The following SNU13 variants were observed in gnomAD, a reference collection of about 807,000 sequenced individuals.
The protein encoded by SNU13 is NHP2-like protein 1.
A neutral mutation model predicts 12.4 loss-of-function variants in SNU13; 2 were observed. The ratio of observed to expected loss-of-function variants is 0.16; its 90% CI spans 0.07 to 0.51. The LOEUF (loss-of-function observed/expected upper bound fraction) is 0.51, where lower values mean the gene tolerates loss of function less well. Ranked by LOEUF, SNU13 falls within the 20% of genes least tolerant of loss-of-function variation. The probability of loss-of-function intolerance (pLI) is 0.96; values close to 1 mark genes in which losing one functional copy is unlikely to be tolerated. For missense variants in SNU13, 66 were observed against 157.8 expected, an observed-to-expected ratio of 0.42 and a Z score of 3.12; for synonymous variants, 68 against 66.5, an observed-to-expected ratio of 1.02 and a Z score of -0.11.
chr22:41,686,293 T>C (rs1277375716), intron 1 of SNU13, among the ~76,000 whole-genome samples: 3 of 151,952 alleles, frequency 2.0e-5, no homozygotes, highest in East Asian at 1.9e-4. Context: ...ATTTGGAGTT[T>C]ATTCTTTTAT....
At chr22:41,684,430 C>T (rs1601575306) in intron 1 of SNU13, among the ~76,000 whole-genome samples, 1 of 152,082 alleles carries the variant, frequency 6.6e-6, no homozygotes, top group Non-Finnish European at 1.5e-5. Flanking sequence ...TCTTAGGCTC[C>T]AAGTAATACT....
chr22:41,686,303 T>C (rs1036822016), intron 1 of SNU13, among the ~76,000 whole-genome samples: 2 of 151,482 alleles, frequency 1.3e-5, no homozygotes, highest in Non-Finnish European at 2.9e-5. Flanking sequence ...TATTCTTTTA[T>C]CTTTTTTTTT....
At chr22:41,678,300 C>T (rs887755862) in intron 2 of SNU13, among the ~76,000 whole-genome samples, 1 of 152,152 alleles carries the variant, frequency 6.6e-6, no homozygotes, top group African/African-American at 2.4e-5. Flanking sequence ...TACCACCAGG[C>T]ATAAAACCTA....
intron 2 of SNU13, among the ~76,000 whole-genome samples, chr22:41,679,353 T>TC (rs2068241943): frequency 6.6e-6 from 1 of 152,156 alleles, no homozygotes; most frequent in African/African-American, 2.4e-5. Flanking sequence ...GATCAGGAGT[T>TC]CGAGACCAGA....
At chr22:41,681,660 A>G (rs2147137395) in intron 1 of SNU13, 1 of 152,346 alleles carries the variant, frequency 6.6e-6, no homozygotes, top group South Asian at 2.1e-4. Context: ...TTCTTACTTT[A>G]TAGATATATA....
In SNU13 at chr22:41,688,708, CTCTAAGCCT is replaced by C; in HGVS notation, c.3+77_3+85del. The C allele has an allele frequency of 6.5e-6, 10 of 1,528,822 alleles. No homozygotes were observed. The South Asian group carries it at 1.1e-4, about 16-fold the overall frequency. 94.7% of individuals were successfully genotyped at this position (1,528,822 alleles called of 1,614,324 possible). ...ACGCCGGCGGATGAGACGGCGCAGG[CTCTAAGCCT>C]CCATCTAACAGGCTAGGGAGTGAAC... On this transcript the variant is annotated intron_variant, in intron 1 of 2. Transcript: ENST00000401959.
intron 2 of SNU13, among the ~76,000 whole-genome samples, chr22:41,678,070 G>A (rs2068229566): frequency 1.3e-5 from 2 of 151,730 alleles, no homozygotes; most frequent in South Asian, 4.2e-4. Flanking sequence ...CCGCCTCCCG[G>A]GTTCACACCA....
In SNU13 at chr22:41,674,789, C is replaced by T. The variant is rs132806; in HGVS notation, c.*144G>A. 0.33 allele frequency: 386,169 copies of T among 1,172,398 alleles called. 66,927 individuals are homozygous for T. The highest frequency in any genetic ancestry group is 0.36 in the Non-Finnish European group (304,871 of 844,244). 72.6% of individuals were successfully genotyped at this position (1,172,398 alleles called of 1,614,324 possible). A position where few individuals can be genotyped will look rare whatever the true frequency, so the allele number is the denominator to read the frequency against. On this transcript the variant is annotated 3_prime_UTR_variant, in exon 3 of 3. Coordinates refer to ENST00000401959, the MANE Select transcript of SNU13 (RefSeq NM_001003796.2). ...GCAACCCTGTAAAACAGAACAAAAA[C>T]AACACAAAAATCCAGAAACCAGATT...
At chr22:41,683,846 T>C (rs1038823212) in intron 1 of SNU13, among the ~76,000 whole-genome samples, 21 of 152,318 alleles carry the variant, frequency 1.4e-4, no homozygotes, top group African/African-American at 2.2e-4. Context: ...CAGGGTTTGT[T>C]GTCTCATGCC....
intron 1 of SNU13, chr22:41,682,704 G>A (rs1394608242): frequency 4.5e-5 from 24 of 539,174 alleles, no homozygotes; most frequent in Non-Finnish European, 6.1e-5. Flanking sequence ...ATTTAGAGAC[G>A]GAGTCTCCCT....
upstream of SNU13, chr22:41,690,412 C>T (rs112967667): frequency 2.8e-6 from 2 of 719,154 alleles, no homozygotes; most frequent in African/African-American, 3.5e-5. Context: ...TACTTTTGAA[C>T]AATTCCCCAA....
At chr22:41,679,022 C>CT (rs2068238315) in intron 2 of SNU13, among the ~76,000 whole-genome samples, 1 of 152,152 alleles carries the variant, frequency 6.6e-6, no homozygotes, top group Admixed American at 6.5e-5. Context: ...CTTTGGGAGG[C>CT]CAAGGCAGGC....
At chr22:41,679,504 T>G (rs2068243677) in intron 2 of SNU13, among the ~76,000 whole-genome samples, 1 of 152,002 alleles carries the variant, frequency 6.6e-6, no homozygotes, top group Non-Finnish European at 1.5e-5. Flanking sequence ...TGCAGTAAGC[T>G]GAGATCCTGC....
intron 1 of SNU13, among the ~76,000 whole-genome samples, chr22:41,687,396 C>T (rs2068319911): frequency 6.6e-6 from 1 of 152,122 alleles, no homozygotes; most frequent in African/African-American, 2.4e-5. Context: ...AATCAGGATT[C>T]TCAAATCTCA....
chr22:41,688,594 T>C (rs1323140503), intron 1 of SNU13, among the ~76,000 whole-genome samples, 200 bp downstream of exon 1: 1 of 152,166 alleles, frequency 6.6e-6, no homozygotes, highest in Non-Finnish European at 1.5e-5. Context: ...GCGGGGATCC[T>C]AAGGTTTCCT....
chr22:41,675,259 C>T, intron 2 of SNU13, 64 bp from the exon 3 acceptor site: 5 of 1,576,610 alleles, frequency 3.2e-6, no homozygotes, highest in Admixed American at 1.7e-5. Flanking sequence ...CCACAACAAA[C>T]TGGGAAGAAT....
intron 2 of SNU13, among the ~76,000 whole-genome samples, chr22:41,677,605 TA>T (rs1388571817): frequency 6.6e-6 from 1 of 152,200 alleles, no homozygotes; most frequent in Non-Finnish European, 1.5e-5. Flanking sequence ...TTGATATTAC[TA>T]TAGCTTACTC....
Position 41,688,785 on chromosome 22 carries a change from C to A in SNU13, c.3+9G>T. On this transcript the variant is annotated intron_variant, in intron 1 of 2. Transcript: ENST00000401959. ...GCTTCCCGGTCCCTCGGCCGGCGCA[C>A]GCACTCACCATGGCTGCGGTTCCGC... is the stretch of plus-strand genomic sequence containing the variant. 6.2e-7 allele frequency: 1 copy of A among 1,601,778 alleles called. No homozygotes were observed. The highest frequency in any genetic ancestry group is 1.1e-5 in the South Asian group (1 of 90,496).
At chr22:41,677,437 A>G (rs747690513) in intron 2 of SNU13, among the ~76,000 whole-genome samples, 23 of 152,100 alleles carry the variant, frequency 1.5e-4, no homozygotes, top group Non-Finnish European at 5.9e-5. Context: ...AGGTGGGAGG[A>G]TCACCTAAGC....
Sources: allele counts gnomAD v4.1 joint callset (sites outside exome capture counted in the v4.1 genomes callset), GRCh38; gene constraint gnomAD v4.1.1; transcripts MANE v1.5; gene names NCBI Gene and HGNC (gene_info 2026-07-23, HGNC 2026-07-21).